UBE2D3: variants seen among roughly 807,000 people sequenced by gnomAD.
UBE2D3 encodes ubiquitin-conjugating enzyme E2 D3.
Under a neutral mutation model 22.8 loss-of-function variants are expected in UBE2D3, and 2 were observed. That is an observed-to-expected ratio of 0.09 (90% CI 0.04 to 0.28). The LOEUF is 0.28. UBE2D3 is among the 10% of genes least tolerant of loss of function. The pLI is 1.00. For synonymous variants in UBE2D3, 56 were observed against 60.4 expected (o/e 0.93, Z 0.34); for missense variants, 27 against 182.5 (o/e 0.15, Z 4.91).
intron 1 of UBE2D3, among the ~76,000 whole-genome samples, chr4:102,856,498 T>A (rs1221357002): frequency 6.6e-6 from 1 of 152,234 alleles, no homozygotes; most frequent in Non-Finnish European, 1.5e-5. Flanking sequence ...GAACTTTTCC[T>A]TTGTGCTTTC....
At chr4:102,819,701 C>T in intron 2 of UBE2D3, 1 of 530,086 alleles carries the variant, frequency 1.9e-6, no homozygotes, top group Non-Finnish European at 2.4e-6. Flanking sequence ...GTAAAATTAT[C>T]ACCACGATGT....
chr4:102,824,068 T>G (rs575778900), intron 2 of UBE2D3, among the ~76,000 whole-genome samples: 5 of 152,330 alleles, frequency 3.3e-5, no homozygotes, highest in African/African-American at 9.6e-5. Context: ...GTGGAATGTT[T>G]GAAAGTTGCC....
rs936797148 is a variant in UBE2D3 at position 102,801,347 on chromosome 4, C to T, written c.304+107G>A. 38 of 885,362 alleles carry T rather than the reference C, an allele frequency of 4.3e-5. No individual in the cohort carries two copies. In the African/African-American group the frequency reaches 6.0e-4, roughly 14 times the overall value. The allele number at this position is 885,362 out of a possible 1,614,324, so 54.8% of individuals were successfully genotyped here. On this transcript the variant is annotated intron_variant, in intron 6 of 7. Transcript: ENST00000453744. ...TTATAAAAGTAACTTTATTGCTTCC[C>T]CATCTCTTACCAAAAAGCTGCCATA... is the stretch of plus-strand genomic sequence containing the variant.
chr4:102,806,502 T>TG (rs1441614768), intron 4 of UBE2D3, among the ~76,000 whole-genome samples: 3 of 152,086 alleles, frequency 2.0e-5, no homozygotes, highest in African/African-American at 7.2e-5. Context: ...ATAATACACT[T>TG]GAAAAAAAAG....
chr4:102,811,560 A>G (rs528483148), intron 2 of UBE2D3: 66 of 280,344 alleles, frequency 2.4e-4, no homozygotes, highest in Non-Finnish European at 3.9e-4. Context: ...ACACGCCTGT[A>G]ATCCCAGCTA....
At position 102,795,898 on chromosome 4, in the gene UBE2D3, A is replaced by C. The variant is rs975395957; in HGVS notation, c.*1517T>G. On this transcript the variant is annotated 3_prime_UTR_variant, in exon 8 of 8. Transcript: ENST00000453744. Reference sequence around the variant, plus strand: ...AAAACTATGGGATCAGAATTAGGAAAGGTGAAGAATGGTAATGCCCTTGTT... The same window carrying C: ...AAAACTATGGGATCAGAATTAGGAACGGTGAAGAATGGTAATGCCCTTGTT... 1.3e-5 allele frequency: 2 copies of C among 152,496 alleles called. No individual in the cohort carries two copies. The highest frequency in any genetic ancestry group is 1.3e-4 in the Admixed American group (2 of 15,254). The allele number at this position is 152,496 out of a possible 1,614,324, so 9.4% of individuals were successfully genotyped here. A position where few individuals can be genotyped will look rare whatever the true frequency, so the allele number is the denominator to read the frequency against.
chr4:102,799,368 A>G lies in UBE2D3; in HGVS notation c.398+39T>C, dbSNP rs1257812664. 4.5e-6 allele frequency: 7 copies of G among 1,562,668 alleles called. No individual in the cohort carries two copies. The Middle Eastern group carries it at 8.0e-4, about 178-fold the overall frequency. On this transcript the variant is annotated intron_variant, in intron 7 of 7. Transcript: ENST00000453744. ...AGCAAAGTATAAGCCTAACTCATTA[A>G]GTAAAACCACTTTTATAATAACTTT...
chr4:102,820,364 C>T lies in UBE2D3; in HGVS notation c.24+6121G>A, dbSNP rs962191079. Reference sequence around the variant, plus strand: ...TGGCAAAAAGATATGAACAATTTCACAAAACTCCAAATAGTCCCTTTAAAA... The same window carrying T: ...TGGCAAAAAGATATGAACAATTTCATAAAACTCCAAATAGTCCCTTTAAAA... On this transcript the variant is annotated intron_variant, in intron 2 of 7. Transcript: ENST00000453744. 3.3e-5 allele frequency among the ~76,000 whole-genome samples: 5 copies of T among 152,156 alleles called. No homozygotes were observed. In the East Asian group the frequency reaches 5.8e-4, roughly 18 times the overall value.
chr4:102,825,224 G>C (rs1578266666), intron 2 of UBE2D3: 1 of 985,368 alleles, frequency 1.0e-6, no homozygotes, highest in African/African-American at 1.7e-5. Flanking sequence ...TAAAACCAAA[G>C]TTTCTAACAC....
At chr4:102,800,167 T>TA (rs1725920014) in intron 6 of UBE2D3, among the ~76,000 whole-genome samples, 1 of 152,058 alleles carries the variant, frequency 6.6e-6, no homozygotes, top group Non-Finnish European at 1.5e-5. Flanking sequence ...CCAGTCACCA[T>TA]ATATGGTGGT....
Position 102,795,830 on chromosome 4 carries a change from GAAAT to G in UBE2D3, c.*1581_*1584del, listed in dbSNP as rs1725218426. ...AGTCACAGATGTGCTAGAACTTTAAGAAATAAAGCAGTGAACAAAATCAAAATAA... is the reference window on the plus strand; with the variant it reads ...AGTCACAGATGTGCTAGAACTTTAAGAAAGCAGTGAACAAAATCAAAATAA... On this transcript the variant is annotated 3_prime_UTR_variant, in exon 8 of 8. Coordinates refer to ENST00000453744, the MANE Select transcript of UBE2D3 (RefSeq NM_181891.3). 1 of 152,140 alleles carries G rather than the reference GAAAT, an allele frequency of 6.6e-6. No individual in the cohort carries two copies. Among genetic ancestry groups the G allele is most frequent in the Non-Finnish European group, 1.5e-5 (1 of 67,892 alleles). 9.4% of individuals were successfully genotyped at this position (152,140 alleles called of 1,614,324 possible). A position where few individuals can be genotyped will look rare whatever the true frequency, so the allele number is the denominator to read the frequency against.
At position 102,857,787 on chromosome 4, in the gene UBE2D3, G is replaced by A. The variant is rs138965140; in HGVS notation, c.-129+10928C>T. On this transcript the variant is annotated intron_variant, in intron 1 of 7. Coordinates refer to the UBE2D3 transcript ENST00000338145. ...CAGCTTATTACAACCTCTGCCTCCC[G>A]GGTTCAAGCAATTCTTCTGCCTCAG... is the stretch of plus-strand genomic sequence containing the variant. Among the ~76,000 whole-genome samples the A allele has an allele frequency of 2.2e-4, 33 of 152,198 alleles. 1 individual carries two copies. The highest frequency in any genetic ancestry group is 1.9e-3 in the East Asian group (10 of 5,180).
upstream of UBE2D3, among the ~76,000 whole-genome samples, chr4:102,830,957 C>T (rs1297244636): frequency 6.6e-6 from 1 of 151,992 alleles, no homozygotes; most frequent in Admixed American, 6.6e-5. Context: ...AGTGAGGCCA[C>T]GTTATTATAA....
intron 1 of UBE2D3, among the ~76,000 whole-genome samples, chr4:102,858,173 T>A (rs1163679833): frequency 6.6e-6 from 1 of 151,978 alleles, no homozygotes; most frequent in African/African-American, 2.4e-5. Context: ...TTAAAACACA[T>A]AATGTACAAA....
intron 2 of UBE2D3, among the ~76,000 whole-genome samples, chr4:102,816,285 T>C (rs559571477): frequency 6.6e-6 from 1 of 152,136 alleles, no homozygotes; most frequent in East Asian, 1.9e-4. Flanking sequence ...AACCTAAGAG[T>C]TTCCAAATCA....
chr4:102,808,907 C>T (rs1415708644), intron 4 of UBE2D3, among the ~76,000 whole-genome samples: 1 of 151,860 alleles, frequency 6.6e-6, no homozygotes. Flanking sequence ...ACCATTATCT[C>T]ACCTAGTACA....
chr4:102,801,899 C>G (rs984566650), intron 5 of UBE2D3: 1 of 172,204 alleles, frequency 5.8e-6, no homozygotes, highest in African/African-American at 2.4e-5. Context: ...ATTTGTAGAC[C>G]ATCTCATTTA....
chr4:102,859,191 T>C (rs1484598993), intron 1 of UBE2D3, among the ~76,000 whole-genome samples: 1 of 151,972 alleles, frequency 6.6e-6, no homozygotes, highest in African/African-American at 2.4e-5. Flanking sequence ...TTATTCTTAG[T>C]TGGGAGGCTT....
At chr4:102,850,095 G>A (rs954394422) in intron 1 of UBE2D3, among the ~76,000 whole-genome samples, 21 of 152,094 alleles carry the variant, frequency 1.4e-4, no homozygotes, top group African/African-American at 4.6e-4. Context: ...GAATATAGAA[G>A]TGAATATGAA....
Sources: gnomAD v4.1 joint callset for allele counts (sites outside exome capture counted in the v4.1 genomes callset) on GRCh38, gnomAD v4.1.1 for gene constraint, MANE v1.5 for transcripts, NCBI Gene and HGNC (gene_info 2026-07-23, HGNC 2026-07-21) for gene names.